The following COPG2 variants were observed in gnomAD, a reference collection of about 807,000 sequenced individuals.
COPG2 encodes the protein coatomer subunit gamma-2.
Under a neutral mutation model 46.3 loss-of-function variants are expected in COPG2, and 37 were observed. The observed-to-expected ratio is 0.80, with a 90% CI of 0.61 to 1.05. COPG2 has a LOEUF of 1.05. COPG2 is among the 50% of genes least tolerant of loss of function. COPG2 has a pLI of 0.00. For synonymous variants in COPG2, 159 were observed against 129.7 expected (o/e 1.23, Z -1.53); for missense variants, 427 against 387.8 (o/e 1.10, Z -0.85).
chr7:130,580,175 C>T (rs577359986), intron 9 of COPG2, among the ~76,000 whole-genome samples: 29 of 152,246 alleles, frequency 1.9e-4, no homozygotes, highest in Non-Finnish European at 3.4e-4. Flanking sequence ...CAAACTAGAA[C>T]TCAGGATTAA....
chr7:130,606,862 G>A (rs1355850954), intron 9 of COPG2, among the ~76,000 whole-genome samples: 2 of 152,122 alleles, frequency 1.3e-5, no homozygotes, highest in Non-Finnish European at 2.9e-5. Flanking sequence ...TCCTGACAGA[G>A]TATTTTTAAG....
At chr7:130,666,275 T>G (rs1563075469) in intron 3 of COPG2, among the ~76,000 whole-genome samples, 1 of 152,212 alleles carries the variant, frequency 6.6e-6, no homozygotes, top group Non-Finnish European at 1.5e-5. Context: ...ATATCTGGAA[T>G]TTGCCTGATC....
chr7:130,535,432 GT>G, intron 20 of COPG2, among the ~76,000 whole-genome samples: 1 of 152,088 alleles, frequency 6.6e-6, no homozygotes, highest in Middle Eastern at 3.4e-3. Context: ...GTGAAGCGAG[GT>G]GAAGGGGGAG....
In COPG2 at chr7:130,637,493, C is replaced by A. The variant is rs1795366938; in HGVS notation, c.323+15376G>T. ...TAGATTTATCTTCAATCTCCGATAT[C>A]CTTTCTTCCACTTGATCAATTTGGC... is the stretch of plus-strand genomic sequence containing the variant. On this transcript the variant is annotated intron_variant, in intron 5 of 23. Coordinates refer to ENST00000425248, the MANE Select transcript of COPG2 (RefSeq NM_012133.6). 2.0e-5 allele frequency among the ~76,000 whole-genome samples: 3 copies of A among 152,086 alleles called. No homozygotes were observed. In the South Asian group the frequency reaches 6.2e-4, roughly 32 times the overall value.
At chr7:130,517,574 C>T (rs1239790538) in intron 20 of COPG2, among the ~76,000 whole-genome samples, 12 of 152,100 alleles carry the variant, frequency 7.9e-5, no homozygotes, top group African/African-American at 2.4e-4. Context: ...TTAAATACAT[C>T]GGTATTGACC....
At position 130,663,035 on chromosome 7, in the gene COPG2, C is replaced by A; in HGVS notation, c.175G>T (p.Glu59Ter). 1 of 1,521,560 alleles carries A rather than the reference C, an allele frequency of 6.6e-7. No homozygotes were observed. Among genetic ancestry groups the A allele is most frequent in the East Asian group, 2.4e-5 (1 of 41,798 alleles). The allele number at this position is 1,521,560 out of a possible 1,614,324, so 94.3% of individuals were successfully genotyped here. A position where few individuals can be genotyped will look rare whatever the true frequency, so the allele number is the denominator to read the frequency against. ...GTAGCTTCCGTTGTTCCAAAGTGTT[C>A]ACCCTAAGTAAAATTTAAAACAATT... Reference protein sequence around the residue: ...TKILYLLNQGEHFGTTEATEA... With the variant: ...TKILYLLNQG Residue 59 changes from glutamate (E) to a stop codon, truncating the protein, a stop_gained, in exon 4 of 24, where the codon GAA becomes TAA. Coordinates refer to ENST00000425248, the MANE Select transcript of COPG2 (RefSeq NM_012133.6). LOFTEE classifies it high-confidence loss of function.
chr7:130,610,820 TA>T, intron 9 of COPG2, 132 bp downstream of exon 9: 1 of 877,302 alleles, frequency 1.1e-6, no homozygotes, highest in Non-Finnish European at 1.9e-6. Flanking sequence ...ATAATTTTTT[TA>T]AAAAATTGAA....
chr7:130,577,441 G>A lies in COPG2; in HGVS notation c.738-13048C>T, dbSNP rs918410063. 3.9e-5 allele frequency among the ~76,000 whole-genome samples: 6 copies of A among 152,172 alleles called. No individual in the cohort carries two copies. The East Asian group carries it at 5.8e-4, about 15-fold the overall frequency. On this transcript the variant is annotated intron_variant, in intron 9 of 23. Coordinates refer to ENST00000425248, the MANE Select transcript of COPG2 (RefSeq NM_012133.6). ...CTGGAAAATCGGGTCACTCCCACCC[G>A]AATATTGAGCTTTTCCGACCGGCTT...
intron 20 of COPG2, chr7:130,510,812 T>TGGAGA: frequency 2.2e-6 from 1 of 453,988 alleles, no homozygotes. Flanking sequence ...TCGAAGCTGC[T>TGGAGA]GGAGAGGATG....
At chr7:130,634,108 T>C (rs1554455645) in intron 5 of COPG2, among the ~76,000 whole-genome samples, 1 of 152,224 alleles carries the variant, frequency 6.6e-6, no homozygotes, top group Non-Finnish European at 1.5e-5. Context: ...TATCACGCTG[T>C]TTTGGTTACT....
chr7:130,576,739 A>G (rs541126719), intron 9 of COPG2, among the ~76,000 whole-genome samples: 1 of 152,332 alleles, frequency 6.6e-6, no homozygotes, highest in South Asian at 2.1e-4. Context: ...ACCTAGCAGA[A>G]GAAAGGAAAT....
At position 130,513,290 on chromosome 7, in the gene COPG2, TAAA is replaced by T. The variant is rs1205677638; in HGVS notation, c.2150-4634_2150-4632del. Among the ~76,000 whole-genome samples the T allele has an allele frequency of 3.3e-3, 67 of 20,250 alleles. 1 individual carries two copies. The highest frequency in any genetic ancestry group is 3.9e-3 in the Non-Finnish European group (32 of 8,106). 13.3% of individuals were successfully genotyped at this position (20,250 alleles called of 152,430 possible). A position where few individuals can be genotyped will look rare whatever the true frequency, so the allele number is the denominator to read the frequency against. On this transcript the variant is annotated intron_variant, in intron 20 of 23. Coordinates refer to ENST00000425248, the MANE Select transcript of COPG2 (RefSeq NM_012133.6). ...GTGACAAGAGTGAAATAATTCTGTC[TAAA>T]AAAAAAAAAAAAAAAATATATATAT...
chr7:130,519,031 G>A (rs1799704122), intron 20 of COPG2, among the ~76,000 whole-genome samples: 2 of 147,742 alleles, frequency 1.4e-5, no homozygotes, highest in South Asian at 4.3e-4. Flanking sequence ...AAAGAGTAGA[G>A]AAGGAAAAAG....
At chr7:130,546,721 T>C (rs1487718952) in intron 20 of COPG2, 3 of 152,160 alleles carry the variant, frequency 2.0e-5, no homozygotes, top group African/African-American at 7.2e-5. Context: ...GAAGGGAGTT[T>C]GGAGAGGGGC....
At chr7:130,641,218 A>C (rs1307038121) in intron 5 of COPG2, among the ~76,000 whole-genome samples, 1 of 151,422 alleles carries the variant, frequency 6.6e-6, no homozygotes, top group Non-Finnish European at 1.5e-5. Context: ...GAAGACAATG[A>C]CTAATCTGTC....
intron 20 of COPG2, among the ~76,000 whole-genome samples, chr7:130,543,449 TG>T (rs1793376375): frequency 6.6e-6 from 1 of 152,206 alleles, no homozygotes; most frequent in African/African-American, 2.4e-5. Flanking sequence ...AAACACTTGA[TG>T]AATGCTTAGA....
At chr7:130,510,002 T>C (rs553007747) in intron 20 of COPG2, 2 of 488,338 alleles carry the variant, frequency 4.1e-6, no homozygotes, top group Admixed American at 2.2e-5. Flanking sequence ...GTAAGAGGCA[T>C]GCTAATGCCT....
At chr7:130,524,790 G>C (rs1214021610) in intron 20 of COPG2, among the ~76,000 whole-genome samples, 1 of 152,134 alleles carries the variant, frequency 6.6e-6, no homozygotes, top group Non-Finnish European at 1.5e-5. Context: ...GGAAACACAG[G>C]GGACCACGTG....
At chr7:130,629,948 G>A (rs1336311795) in intron 5 of COPG2, among the ~76,000 whole-genome samples, 3 of 143,090 alleles carry the variant, frequency 2.1e-5, no homozygotes, top group African/African-American at 5.2e-5. Flanking sequence ...ACAGAGTTTC[G>A]CTCTTGTCGC....
Sources: allele counts gnomAD v4.1 joint callset (sites outside exome capture counted in the v4.1 genomes callset), GRCh38; gene constraint gnomAD v4.1.1; transcripts MANE v1.5; gene names NCBI Gene and HGNC (gene_info 2026-07-23, HGNC 2026-07-21).